The following TRAPPC11 variants were observed in gnomAD, a reference collection of about 807,000 sequenced individuals.
TRAPPC11 encodes foie gras homolog.
Under a neutral mutation model 151.2 loss-of-function variants are expected in TRAPPC11, and 104 were observed. The observed-to-expected ratio is 0.69, with a 90% CI of 0.59 to 0.81. The LOEUF (loss-of-function observed/expected upper bound fraction) is 0.81, where lower values mean the gene tolerates loss of function less well. Ranked by LOEUF, TRAPPC11 falls within the 30% of genes least tolerant of loss-of-function variation. The pLI is 0.00. For synonymous variants in TRAPPC11, 456 were observed against 472.3 expected (o/e 0.97, Z 0.45); for missense variants, 1,230 against 1,349.6 (o/e 0.91, Z 1.39).
chr4:183,681,943 T>C (rs973940377), intron 10 of TRAPPC11, among the ~76,000 whole-genome samples: 5 of 152,178 alleles, frequency 3.3e-5, no homozygotes, highest in African/African-American at 9.6e-5. Context: ...ACAGATTTAT[T>C]AATTAATTGT....
chr4:183,664,112 C>A, intron 2 of TRAPPC11, 41 bp downstream of exon 2: 1 of 1,524,188 alleles, frequency 6.6e-7, no homozygotes, highest in Non-Finnish European at 9.0e-7. Context: ...CCTTCTCTCT[C>A]TCTATGTGTG....
rs763852465 is a variant in TRAPPC11, at chr4:183,679,340, T to A, written c.832-13T>A. 6.4e-7 allele frequency: 1 copy of A among 1,558,342 alleles called. No individual in the cohort carries two copies. The highest frequency in any genetic ancestry group is 8.7e-7 in the Non-Finnish European group (1 of 1,155,868). The stretch of plus-strand genomic sequence containing the variant: ...TTTTTCCTTTATTTTGGGATCAATT[T>A]TACATTTTGCAGATCTGTAGGCTGT... On this transcript the variant is annotated splice_polypyrimidine_tract_variant and intron_variant, in intron 8 of 29. Transcript: ENST00000334690.
In TRAPPC11 at chr4:183,671,173, C is replaced by T. The variant is rs112253845; in HGVS notation, c.560+3056C>T. Among the ~76,000 whole-genome samples the T allele has an allele frequency of 3.3e-5, 5 of 152,264 alleles. No homozygotes were observed. The South Asian group carries it at 6.2e-4, about 19-fold the overall frequency. On this transcript the variant is annotated intron_variant, in intron 5 of 29. Coordinates refer to ENST00000334690, the MANE Select transcript of TRAPPC11 (RefSeq NM_021942.6). ...GAGCCACTGTTCCCGGCCCTGGAAG[C>T]GGTTTTCTAATTAGTTTAAAATTAT...
chr4:183,680,213 A>C lies in TRAPPC11; in HGVS notation c.1059A>C (p.Ala353=). Residue 353 remains alanine (A), a synonymous_variant, in exon 10 of 30, where the codon GCA becomes GCC. Coordinates refer to ENST00000334690, the MANE Select transcript of TRAPPC11 (RefSeq NM_021942.6). ...ATCCTGGTTTCTATTACCAGCAGGCAGCATACTATGCCCAGGAGCGGAAAC... is the reference window on the plus strand; with the variant it reads ...ATCCTGGTTTCTATTACCAGCAGGCCGCATACTATGCCCAGGAGCGGAAAC... The part of the protein sequence containing the change: ...TQNPGFYYQQ[A]AYYAQERKQL... The C allele has an allele frequency of 2.5e-6, 4 of 1,614,110 alleles. No individual in the cohort carries two copies. The highest frequency in any genetic ancestry group is 3.4e-6 in the Non-Finnish European group (4 of 1,179,986).
At chr4:183,664,102 C>A in intron 2 of TRAPPC11, 31 bp downstream of exon 2, 1 of 1,559,780 alleles carries the variant, frequency 6.4e-7, no homozygotes, top group South Asian at 1.1e-5. Flanking sequence ...TGTGTTCTTT[C>A]CTTCTCTCTC....
intron 23 of TRAPPC11, 103 bp downstream of exon 23, chr4:183,694,826 T>C (rs780740418): frequency 6.7e-6 from 8 of 1,187,368 alleles, no homozygotes; most frequent in Non-Finnish European, 7.1e-6. Context: ...GCAGTTTAGG[T>C]GCTTATAGTC....
At chr4:183,670,094 G>A (rs1025681024) in intron 5 of TRAPPC11, among the ~76,000 whole-genome samples, 1 of 152,178 alleles carries the variant, frequency 6.6e-6, no homozygotes, top group Non-Finnish European at 1.5e-5. Flanking sequence ...AGAGAGTAAA[G>A]CTGAATATCA....
At chr4:183,701,522 G>A in intron 25 of TRAPPC11, 175 bp from the exon 26 acceptor site, 1 of 547,940 alleles carries the variant, frequency 1.8e-6, no homozygotes, top group East Asian at 3.0e-5. Flanking sequence ...AGCAAAAACA[G>A]TGGACTTTGT....
At chr4:183,661,757 C>T (rs1474260987) in intron 1 of TRAPPC11, among the ~76,000 whole-genome samples, 1 of 100,130 alleles carries the variant, frequency 1.0e-5, no homozygotes. Context: ...TTTGGAATAA[C>T]TTTTTTTTTT....
At chr4:183,663,755 T>TTA in intron 1 of TRAPPC11, 92 bp from the exon 2 acceptor site, 2 of 473,400 alleles carry the variant, frequency 4.2e-6, no homozygotes, top group African/African-American at 2.0e-5. Context: ...TTTTTTTTTT[T>TTA]GAGACAGAGT....
chr4:183,663,832 A>G lies in TRAPPC11; in HGVS notation c.-21-15A>G. On this transcript the variant is annotated splice_polypyrimidine_tract_variant and intron_variant, in intron 1 of 29. Coordinates refer to ENST00000334690, the MANE Select transcript of TRAPPC11 (RefSeq NM_021942.6). ...TTAAAAATTAATTATGAATGTATTA[A>G]CATTTGTATTTCAGGTTTTTTGTGA... is the stretch of plus-strand genomic sequence containing the variant. The G allele has an allele frequency of 6.5e-7, 1 of 1,534,334 alleles. No homozygotes were observed. Among genetic ancestry groups the G allele is most frequent in the Non-Finnish European group, 9.0e-7 (1 of 1,115,236 alleles).
intron 14 of TRAPPC11, 100 bp from the exon 15 acceptor site, chr4:183,684,596 T>C: frequency 7.5e-7 from 1 of 1,327,236 alleles, no homozygotes; most frequent in Non-Finnish European, 1.0e-6. Context: ...GTAAGATTTT[T>C]CTATACTTAC....
At chr4:183,698,898 T>C (rs113115308) in intron 25 of TRAPPC11, among the ~76,000 whole-genome samples, 2,246 of 152,276 alleles carry the variant, frequency 0.015, 52 homozygotes, top group African/African-American at 0.052. Context: ...CACGCACATC[T>C]ATCCTTCACA....
chr4:183,660,923 A>G (rs973647425), intron 1 of TRAPPC11, among the ~76,000 whole-genome samples: 5 of 151,958 alleles, frequency 3.3e-5, no homozygotes, highest in African/African-American at 4.8e-5. Flanking sequence ...CCTATTGGCC[A>G]GGCTGGTTTT....
intron 10 of TRAPPC11, among the ~76,000 whole-genome samples, chr4:183,680,668 G>T (rs939330066): frequency 2.8e-5 from 4 of 140,488 alleles, no homozygotes; most frequent in Non-Finnish European, 6.1e-5. Context: ...GGGTTTTCCT[G>T]TATGGAGACT....
intron 5 of TRAPPC11, among the ~76,000 whole-genome samples, chr4:183,669,015 G>A (rs927981365): frequency 2.6e-5 from 4 of 152,106 alleles, no homozygotes; most frequent in Non-Finnish European, 5.9e-5. Flanking sequence ...GAGGTTACCT[G>A]GCCTTCTCAC....
chr4:183,681,597 G>A (rs185235394), intron 10 of TRAPPC11, among the ~76,000 whole-genome samples: 23 of 151,996 alleles, frequency 1.5e-4, no homozygotes, highest in Non-Finnish European at 2.9e-4. Flanking sequence ...TGGCTAACAC[G>A]ATGAAACCCC....
chr4:183,672,640 G>A (rs982174023), intron 5 of TRAPPC11, among the ~76,000 whole-genome samples: 10 of 152,168 alleles, frequency 6.6e-5, no homozygotes, highest in South Asian at 2.1e-4. Context: ...AGCCTGTTAC[G>A]GTTAAAGCGA....
intron 2 of TRAPPC11, among the ~76,000 whole-genome samples, chr4:183,665,091 C>CTTTTTTTTTTT (rs66913932): frequency 4.4e-4 from 47 of 106,452 alleles, no homozygotes; most frequent in East Asian, 5.4e-4. Flanking sequence ...TCTTTTCTTT[C>CTTTTTTTTTTT]TTTTTTTTTT....
Sources: allele counts gnomAD v4.1 joint callset (sites outside exome capture counted in the v4.1 genomes callset), GRCh38; gene constraint gnomAD v4.1.1; transcripts MANE v1.5; gene names NCBI Gene and HGNC (gene_info 2026-07-23, HGNC 2026-07-21).